DLGAP4: variants seen among roughly 807,000 people sequenced by gnomAD.
The protein encoded by DLGAP4 is DLG associated protein 4, also known as disks large-associated protein 4.
In DLGAP4, 18 loss-of-function variants were observed where a neutral mutation model predicts 86.9. That is an observed-to-expected ratio of 0.21 (90% CI 0.14 to 0.31). DLGAP4 has a LOEUF of 0.31. Among genes scored for constraint, DLGAP4 ranks in the 10% least tolerant of loss-of-function variants. The pLI is 1.00. For synonymous variants in DLGAP4, 548 were observed against 574.3 expected (o/e 0.95, Z 0.65); for missense variants, 1,085 against 1,362.6 (o/e 0.80, Z 3.21).
At position 36,308,149 on chromosome 20, in the gene DLGAP4, G is replaced by A. The variant is rs1314587273; in HGVS notation, c.-304+1637G>A. On this transcript the variant is annotated intron_variant, in intron 1 of 12. Coordinates refer to ENST00000339266, the MANE Select transcript of DLGAP4 (RefSeq NM_001365621.2). This position sits in a 1 kb window ranked among gnomAD's most constrained non-coding sequence, Gnocchi z 4.5. Reference sequence around the variant, plus strand: ...GGGCTGGCTAGAGTGCCTGTCTCCCGCTGTGGCAGGGGTAGGCCAGGGATC... The same window carrying A: ...GGGCTGGCTAGAGTGCCTGTCTCCCACTGTGGCAGGGGTAGGCCAGGGATC... 6.6e-6 allele frequency among the ~76,000 whole-genome samples: 1 copy of A among 152,204 alleles called. No homozygotes were observed. Among genetic ancestry groups the A allele is most frequent in the Non-Finnish European group, 1.5e-5 (1 of 68,032 alleles).
intron 1 of DLGAP4, among the ~76,000 whole-genome samples, chr20:36,362,177 T>G (rs2030544576): frequency 6.6e-6 from 1 of 151,786 alleles, no homozygotes; most frequent in African/African-American, 2.4e-5. Context: ...CAAGAATTGC[T>G]TGAAACTGGG....
intron 1 of DLGAP4, among the ~76,000 whole-genome samples, chr20:36,341,710 G>A (rs1423938998): frequency 6.6e-6 from 1 of 152,242 alleles, no homozygotes; most frequent in Non-Finnish European, 1.5e-5. Context: ...CTCTGCTCTA[G>A]TGCACACAGT....
intron 10 of DLGAP4, chr20:36,510,881 A>T (rs930535547): frequency 8.5e-5 from 13 of 152,154 alleles, no homozygotes; most frequent in African/African-American, 2.9e-4. Flanking sequence ...TTCAATTACC[A>T]TGGCTTTGTA....
At chr20:36,509,968 T>G (rs2036598570) in intron 10 of DLGAP4, among the ~76,000 whole-genome samples, 1 of 151,948 alleles carries the variant, frequency 6.6e-6, no homozygotes, top group Non-Finnish European at 1.5e-5. Flanking sequence ...GCGATTCTCT[T>G]GTCCCAGCCT....
chr20:36,315,956 C>T (rs2065095230), intron 1 of DLGAP4, among the ~76,000 whole-genome samples: 1 of 152,194 alleles, frequency 6.6e-6, no homozygotes, highest in Admixed American at 6.5e-5. Flanking sequence ...GTGGTGTGGC[C>T]CACCAGCCCT....
At chr20:36,470,316 A>G (rs1393727673) in intron 7 of DLGAP4, among the ~76,000 whole-genome samples, 2 of 152,130 alleles carry the variant, frequency 1.3e-5, no homozygotes, top group Non-Finnish European at 2.9e-5. Flanking sequence ...AGAGCCCCAC[A>G]GTGTCCAGGC....
intron 1 of DLGAP4, among the ~76,000 whole-genome samples, chr20:36,339,626 G>T (rs1299577983): frequency 6.6e-6 from 1 of 152,230 alleles, no homozygotes; most frequent in African/African-American, 2.4e-5. Flanking sequence ...GGGACTGCAG[G>T]CCTGAGCCAT....
Position 36,455,434 on chromosome 20 carries a change from C to A in DLGAP4, c.1648+8497C>A, listed in dbSNP as rs1239136093. 2.6e-5 allele frequency among the ~76,000 whole-genome samples: 4 copies of A among 152,322 alleles called. No homozygotes were observed. In the East Asian group the frequency reaches 7.7e-4, roughly 29 times the overall value. On this transcript the variant is annotated intron_variant, in intron 7 of 12. Transcript: ENST00000339266. ...GCTGCAGGGTGTACCCCCACTCCTG[C>A]CAGCTGCATTCTCTGCACCTGAGTG...
chr20:36,323,939 C>T (rs1395004890), intron 1 of DLGAP4, among the ~76,000 whole-genome samples: 1 of 152,228 alleles, frequency 6.6e-6, no homozygotes, highest in Non-Finnish European at 1.5e-5. Context: ...CAGTTCCTAA[C>T]AGGCCACAGA....
chr20:36,446,655 G>A (rs777120586), intron 6 of DLGAP4, 42 bp from the exon 7 acceptor site: 1 of 1,560,064 alleles, frequency 6.4e-7, no homozygotes, highest in Non-Finnish European at 8.7e-7. Flanking sequence ...CCCAGGATGG[G>A]CAAGATAGCC....
Position 36,432,060 on chromosome 20 carries a change from C to T in DLGAP4, c.343C>T (p.His115Tyr), listed in dbSNP as rs771828904. 2 of 1,614,072 alleles carry T rather than the reference C, an allele frequency of 1.2e-6. No homozygotes were observed. The highest frequency in any genetic ancestry group is 1.7e-6 in the Non-Finnish European group (2 of 1,180,056). ...LDQFEKQLPI[H>Y]RDGFSTLQFP... ...CCAGTTTGAGAAGCAGCTGCCCATC[C>T]ACCGTGATGGCTTCAGCACCCTCCA... Residue 115 changes from histidine (H) to tyrosine (Y), a missense_variant, in exon 3 of 13, where the codon CAC (histidine) becomes TAC (tyrosine). Transcript: ENST00000339266. This position sits in a 1 kb window ranked among gnomAD's most constrained non-coding sequence, Gnocchi z 6.5.
At chr20:36,335,855 T>A (rs542704505) in intron 1 of DLGAP4, among the ~76,000 whole-genome samples, 2 of 152,124 alleles carry the variant, frequency 1.3e-5, no homozygotes, top group East Asian at 3.9e-4. Flanking sequence ...TGCCCAAGCA[T>A]CCCCTCTTAG....
At chr20:36,525,216 C>CAAAAAAAAAAAAAAAAAAA (rs1159616185) in intron 11 of DLGAP4, among the ~76,000 whole-genome samples, 15 of 28,502 alleles carry the variant, frequency 5.3e-4, no homozygotes, top group African/African-American at 7.2e-4. Flanking sequence ...GACTCCGTCT[C>CAAAAAAAAAAAAAAAAAAA]AAAAAAAAAA....
chr20:36,431,531 A>T lies in DLGAP4; in HGVS notation c.-72-115A>T, dbSNP rs568318107. The T allele has an allele frequency of 2.2e-5, 14 of 649,064 alleles. No homozygotes were observed. The African/African-American group carries it at 2.6e-4, about 12-fold the overall frequency. 40.2% of individuals were successfully genotyped at this position (649,064 alleles called of 1,614,324 possible). On this transcript the variant is annotated intron_variant, in intron 2 of 12. Coordinates refer to ENST00000339266, the MANE Select transcript of DLGAP4 (RefSeq NM_001365621.2). This position sits in a 1 kb window ranked among gnomAD's most constrained non-coding sequence, Gnocchi z 5.1. ...GTACTCCTGTCCTCAGGCCCACAAC[A>T]TTGAGGACTGGCTTCAGAGATCCTC...
rs531761309 is a variant in DLGAP4, at chr20:36,349,879, G to A, written c.-303-17166G>A. 6.6e-5 allele frequency among the ~76,000 whole-genome samples: 10 copies of A among 152,206 alleles called. No individual in the cohort carries two copies. In the South Asian group the frequency reaches 8.3e-4, roughly 13 times the overall value. ...AAACTAAATTCCCCAAGGTATTTCC[G>A]GGAAAGCAGCATCGCCGCGTCCCAG... On this transcript the variant is annotated intron_variant, in intron 1 of 12. Transcript: ENST00000339266.
intron 1 of DLGAP4, among the ~76,000 whole-genome samples, chr20:36,363,587 G>GGGCA (rs1229614446): frequency 2.0e-5 from 3 of 152,132 alleles, no homozygotes; most frequent in African/African-American, 4.8e-5. Flanking sequence ...GTGGCTGGAA[G>GGGCA]GGCAGGATTC....
chr20:36,458,941 T>C (rs2147607813), intron 7 of DLGAP4, among the ~76,000 whole-genome samples: 1 of 152,194 alleles, frequency 6.6e-6, no homozygotes, highest in East Asian at 1.9e-4. Context: ...TAAGGGGTGA[T>C]GAGAAGGAAT....
Position 36,496,925 on chromosome 20 carries a change from G to A in DLGAP4, c.1869G>A (p.Arg623=), listed in dbSNP as rs756783745. The change falls in exon 8 of 13, where the codon CGG becomes CGA. Residue 623 remains arginine, a synonymous_variant. Transcript: ENST00000339266. ...DSSTRPPSVT[R]GGVAPAPEAP... is the part of the protein sequence containing the mutation. ...GTACCCGACCGCCCAGCGTGACACG[G>A]GGTGGAGTCGCCCCAGCCCCTGAGG... 38 of 1,614,056 alleles carry A rather than the reference G, an allele frequency of 2.4e-5. No individual in the cohort carries two copies. Among genetic ancestry groups the A allele is most frequent in the African/African-American group, 2.7e-5 (2 of 74,942 alleles).
chr20:36,390,767 C>T (rs1189266076), intron 2 of DLGAP4, among the ~76,000 whole-genome samples: 2 of 152,100 alleles, frequency 1.3e-5, no homozygotes, highest in Non-Finnish European at 2.9e-5. Flanking sequence ...TGAGCCCTGA[C>T]CCTGGCCCCA....
Sources: gnomAD v4.1 joint callset for allele counts (sites outside exome capture counted in the v4.1 genomes callset) on GRCh38, gnomAD v4.1.1 for gene constraint, Gnocchi (gnomAD v3.1) non-coding constraint, MANE v1.5 for transcripts, NCBI Gene and HGNC (gene_info 2026-07-23, HGNC 2026-07-21) for gene names.